Variants in KPNA5 observed in about 807,000 individuals in gnomAD.
The protein encoded by KPNA5 is importin subunit alpha-6.
Under a neutral mutation model 71.3 loss-of-function variants are expected in KPNA5, and 46 were observed. That is an observed-to-expected ratio of 0.65 (90% CI 0.51 to 0.83). The LOEUF (loss-of-function observed/expected upper bound fraction) is 0.83, where lower values mean the gene tolerates loss of function less well. Ranked by LOEUF, KPNA5 falls within the 40% of genes least tolerant of loss-of-function variation. The probability of loss-of-function intolerance (pLI) is 0.00; values close to 1 mark genes in which losing one functional copy is unlikely to be tolerated. For missense variants in KPNA5, 547 were observed against 628.3 expected, an observed-to-expected ratio of 0.87 and a Z score of 1.38; for synonymous variants, 207 against 201.4, an observed-to-expected ratio of 1.03 and a Z score of -0.24.
intron 4 of KPNA5, among the ~76,000 whole-genome samples, chr6:116,694,876 A>G (rs969560835): frequency 1.3e-5 from 2 of 152,172 alleles, no homozygotes; most frequent in Non-Finnish European, 1.5e-5. Flanking sequence ...AAGGGAATAC[A>G]CTGTATTAAT....
At chr6:116,731,687 G>A (rs1779488881) in intron 13 of KPNA5, among the ~76,000 whole-genome samples, 1 of 152,014 alleles carries the variant, frequency 6.6e-6, no homozygotes, top group African/African-American at 2.4e-5. Flanking sequence ...TTATTTCATA[G>A]TGATACTCTC....
intron 1 of KPNA5, among the ~76,000 whole-genome samples, chr6:116,688,400 C>G (rs1468034287): frequency 6.6e-6 from 1 of 152,088 alleles, no homozygotes; most frequent in African/African-American, 2.4e-5. Context: ...GAATAACATA[C>G]TGGGTACTCA....
At chr6:116,703,785 T>C (rs1778326752) in intron 6 of KPNA5, among the ~76,000 whole-genome samples, 1 of 152,174 alleles carries the variant, frequency 6.6e-6, no homozygotes, top group African/African-American at 2.4e-5. Flanking sequence ...CTTTCCCAAT[T>C]GAAAAGTAAC....
At chr6:116,711,529 T>C (rs1365868961) in intron 7 of KPNA5, among the ~76,000 whole-genome samples, 3 of 140,804 alleles carry the variant, frequency 2.1e-5, no homozygotes, top group African/African-American at 8.3e-5. Flanking sequence ...CTCAAAGTAT[T>C]TTCTGCATAT....
chr6:116,695,572 G>T (rs1285623989), intron 4 of KPNA5, among the ~76,000 whole-genome samples: 5 of 152,130 alleles, frequency 3.3e-5, no homozygotes, highest in Admixed American at 6.5e-5. Flanking sequence ...AAGAATGAAA[G>T]TAATCTTGTG....
chr6:116,709,951 G>A (rs1323176863), intron 7 of KPNA5, among the ~76,000 whole-genome samples: 2 of 151,982 alleles, frequency 1.3e-5, no homozygotes, highest in Non-Finnish European at 2.9e-5. Flanking sequence ...AGTAGAGACA[G>A]GGTTTCACCA....
chr6:116,710,239 C>T (rs897634421), intron 7 of KPNA5, among the ~76,000 whole-genome samples: 1 of 151,982 alleles, frequency 6.6e-6, no homozygotes, highest in Non-Finnish European at 1.5e-5. Context: ...GTATAAGCTG[C>T]TAGATTCAGT....
chr6:116,728,469 A>G (rs908487426), intron 12 of KPNA5, among the ~76,000 whole-genome samples: 1 of 152,136 alleles, frequency 6.6e-6, no homozygotes, highest in African/African-American at 2.4e-5. Context: ...TACTATTGCC[A>G]GTTATTGTGC....
At chr6:116,714,158 G>A (rs1410519381) in intron 7 of KPNA5, among the ~76,000 whole-genome samples, 1 of 152,082 alleles carries the variant, frequency 6.6e-6, no homozygotes, top group African/African-American at 2.4e-5. Context: ...TGTAACTATG[G>A]TTAACTATGG....
At chr6:116,727,710 T>C (rs1286289864) in intron 12 of KPNA5, among the ~76,000 whole-genome samples, 2 of 152,094 alleles carry the variant, frequency 1.3e-5, no homozygotes, top group African/African-American at 4.8e-5. Context: ...TAATAACTAA[T>C]AGATAATTAA....
At chr6:116,724,252 T>G (rs752427578) in intron 9 of KPNA5, 45 bp from the exon 10 acceptor site, 22 of 1,318,730 alleles carry the variant, frequency 1.7e-5, no homozygotes, top group Non-Finnish European at 2.2e-5. Flanking sequence ...TGTGTAAATT[T>G]TAAATTCTTA....
intron 8 of KPNA5, among the ~76,000 whole-genome samples, chr6:116,720,499 C>A (rs779512929): frequency 6.6e-6 from 1 of 151,864 alleles, no homozygotes; most frequent in Non-Finnish European, 1.5e-5. Flanking sequence ...TTTAACTCAG[C>A]GAAAAGGTAT....
At chr6:116,690,298 A>G (rs1236613500) in intron 2 of KPNA5, among the ~76,000 whole-genome samples, 1 of 152,222 alleles carries the variant, frequency 6.6e-6, no homozygotes, top group East Asian at 1.9e-4. Context: ...TCCTTCATAC[A>G]TTATAGTAGG....
chr6:116,685,622 C>CT (rs35850670), intron 1 of KPNA5, among the ~76,000 whole-genome samples: 21 of 152,288 alleles, frequency 1.4e-4, no homozygotes, highest in African/African-American at 5.1e-4. Context: ...TGATCACATT[C>CT]TTTTTTGTGG....
intron 9 of KPNA5, 25 bp downstream of exon 9, chr6:116,722,314 A>G (rs1779139417): frequency 6.5e-7 from 1 of 1,547,942 alleles, no homozygotes; most frequent in African/African-American, 1.4e-5. Context: ...TTTATGCTTA[A>G]TAATTGTATG....
chr6:116,738,852 C>T lies in KPNA5; in HGVS notation c.*6529C>T, dbSNP rs891385481. The T allele has an allele frequency of 2.0e-5, 3 of 152,108 alleles. No individual in the cohort carries two copies. Among genetic ancestry groups the T allele is most frequent in the South Asian group, 2.1e-4 (1 of 4,826 alleles). The allele number at this position is 152,108 out of a possible 1,614,324, so 9.4% of individuals were successfully genotyped here. A position where few individuals can be genotyped will look rare whatever the true frequency, so the allele number is the denominator to read the frequency against. On this transcript the variant is annotated 3_prime_UTR_variant, in exon 14 of 14. Transcript: ENST00000368564. ...AATTAGGTATTGATGGGACGTATCTCCAAATAATAAGAGCTATCTATGACA... is the reference window on the plus strand; with the variant it reads ...AATTAGGTATTGATGGGACGTATCTTCAAATAATAAGAGCTATCTATGACA...
intron 1 of KPNA5, among the ~76,000 whole-genome samples, chr6:116,684,758 A>G (rs1171897963): frequency 2.0e-5 from 3 of 152,194 alleles, no homozygotes; most frequent in South Asian, 4.1e-4. Flanking sequence ...TCAACCATCT[A>G]CAGATCAAAG....
At position 116,735,907 on chromosome 6, in the gene KPNA5, A is replaced by C. The variant is rs534845410; in HGVS notation, c.*3584A>C. On this transcript the variant is annotated 3_prime_UTR_variant, in exon 14 of 14. Coordinates refer to ENST00000368564, the MANE Select transcript of KPNA5 (RefSeq NM_001366306.2). ...GATTTAAACATGCCAATTAAAGTGCAGAGGTTATCAGTTTTAATAAAAAAG... is the reference window on the plus strand; with the variant it reads ...GATTTAAACATGCCAATTAAAGTGCCGAGGTTATCAGTTTTAATAAAAAAG... The C allele has an allele frequency of 6.6e-6, 1 of 151,826 alleles. No individual in the cohort carries two copies. The highest frequency in any genetic ancestry group is 2.1e-4 in the South Asian group (1 of 4,830). 9.4% of individuals were successfully genotyped at this position (151,826 alleles called of 1,614,324 possible).
chr6:116,723,877 T>C (rs1779205191), intron 9 of KPNA5, among the ~76,000 whole-genome samples: 1 of 152,078 alleles, frequency 6.6e-6, no homozygotes, highest in African/African-American at 2.4e-5. Flanking sequence ...AATGGAAAAG[T>C]CTGGCAGACA....
Sources: allele counts gnomAD v4.1 joint callset (sites outside exome capture counted in the v4.1 genomes callset), GRCh38; gene constraint gnomAD v4.1.1; transcripts MANE v1.5; gene names NCBI Gene and HGNC (gene_info 2026-07-23, HGNC 2026-07-21).